GRB2: variants seen among roughly 807,000 people sequenced by gnomAD.
GRB2 encodes the protein growth factor receptor bound protein 2.
GRB2 carries 2 observed loss-of-function variants against 27.4 expected under a neutral mutation model. The observed-to-expected ratio is 0.07, with a 90% CI of 0.03 to 0.23. The LOEUF (loss-of-function observed/expected upper bound fraction) is 0.23, where lower values mean the gene tolerates loss of function less well. Ranked by LOEUF, GRB2 falls within the 10% of genes least tolerant of loss-of-function variation. The probability of loss-of-function intolerance (pLI) is 1.00; values close to 1 mark genes in which losing one functional copy is unlikely to be tolerated. For missense variants in GRB2, 102 were observed against 282.4 expected (o/e 0.36, Z 4.58); for synonymous variants, 94 against 99.6 (o/e 0.94, Z 0.33).
rs71159502 is a variant in GRB2, at chr17:75,376,344, CAAA to C, written c.78+17204_78+17206del. The stretch of plus-strand genomic sequence containing the variant: ...TGGGTGACAGACAGAGACTCTGTCT[CAAA>C]AAAAAAAAAAAAAAAAAAAATTTTT... On this transcript the variant is annotated intron_variant, in intron 2 of 5. Coordinates refer to ENST00000316804, the MANE Select transcript of GRB2 (RefSeq NM_002086.5). Among the ~76,000 whole-genome samples the C allele has an allele frequency of 1.9e-4, 14 of 74,480 alleles. 1 individual carries two copies. Among genetic ancestry groups the C allele is most frequent in the African/African-American group, 3.8e-4 (8 of 21,054 alleles). The allele number at this position is 74,480 out of a possible 152,430, so 48.9% of individuals were successfully genotyped here. A position where few individuals can be genotyped will look rare whatever the true frequency, so the allele number is the denominator to read the frequency against.
chr17:75,384,378 A>G (rs1474742671), intron 2 of GRB2, among the ~76,000 whole-genome samples: 1 of 152,172 alleles, frequency 6.6e-6, no homozygotes, highest in East Asian at 1.9e-4. Flanking sequence ...TTCTTTTAAT[A>G]AAACTGATAG....
chr17:75,336,505 C>A (rs2078577911), intron 2 of GRB2, among the ~76,000 whole-genome samples: 1 of 152,074 alleles, frequency 6.6e-6, no homozygotes, highest in South Asian at 2.1e-4. Context: ...CTCTATTTAC[C>A]TGCCAGGAGT....
intron 2 of GRB2, among the ~76,000 whole-genome samples, chr17:75,387,008 A>C (rs778694136): frequency 1.7e-5 from 1 of 57,772 alleles, no homozygotes; most frequent in Non-Finnish European, 6.2e-5. Flanking sequence ...CACACACACA[A>C]AAATTAGCTG....
chr17:75,380,626 G>A (rs142407440), intron 2 of GRB2, among the ~76,000 whole-genome samples: 134 of 152,208 alleles, frequency 8.8e-4, no homozygotes, highest in Middle Eastern at 3.4e-3. Flanking sequence ...GAGTTAAGAT[G>A]GATGGTCTTC....
chr17:75,368,080 A>C (rs898433638), intron 2 of GRB2, among the ~76,000 whole-genome samples: 12 of 152,034 alleles, frequency 7.9e-5, no homozygotes, highest in African/African-American at 2.9e-4. Flanking sequence ...ACGCCTGGCT[A>C]ATTTTTGTAC....
At chr17:75,366,917 G>A (rs1440833342) in intron 2 of GRB2, among the ~76,000 whole-genome samples, 1 of 151,912 alleles carries the variant, frequency 6.6e-6, no homozygotes, top group African/African-American at 2.4e-5. Context: ...ATAAGCTTAA[G>A]GTTCCCAGGT....
intron 2 of GRB2, among the ~76,000 whole-genome samples, chr17:75,393,059 T>A (rs1378759589): frequency 6.6e-6 from 1 of 152,170 alleles, no homozygotes; most frequent in Non-Finnish European, 1.5e-5. Context: ...CTTTAATGAG[T>A]TTTGGTATGT....
At chr17:75,398,225 A>G (rs1288533079) in intron 1 of GRB2, among the ~76,000 whole-genome samples, 1 of 152,234 alleles carries the variant, frequency 6.6e-6, no homozygotes, top group Non-Finnish European at 1.5e-5. Context: ...TTTTAAAAAT[A>G]TTTATAAAAT....
In GRB2 at chr17:75,399,569, T is replaced by A. The variant is rs140264843; in HGVS notation, c.-137-5804A>T. On this transcript the variant is annotated intron_variant, in intron 1 of 5. Transcript: ENST00000316804. ...TTTTAGTAGAGGCAGGGTTTCACCA[T>A]GTTGGTCAGGCTGGTCTTGAACTCC... 1.6e-4 allele frequency among the ~76,000 whole-genome samples: 24 copies of A among 151,982 alleles called. No homozygotes were observed. The East Asian group carries it at 4.1e-3, about 26-fold the overall frequency.
chr17:75,358,912 TATAA>T (rs1422611242), intron 2 of GRB2, among the ~76,000 whole-genome samples: 8 of 71,296 alleles, frequency 1.1e-4, no homozygotes, highest in African/African-American at 2.4e-4. Context: ...TATATATATA[TATAA>T]ATATATATAT....
intron 2 of GRB2, among the ~76,000 whole-genome samples, chr17:75,352,563 A>C (rs1198718299): frequency 1.3e-5 from 2 of 152,224 alleles, no homozygotes; most frequent in Non-Finnish European, 1.5e-5. Context: ...TGGAAGGGTG[A>C]CCAGGCATAA....
At chr17:75,367,754 A>G (rs2078829022) in intron 2 of GRB2, among the ~76,000 whole-genome samples, 1 of 152,190 alleles carries the variant, frequency 6.6e-6, no homozygotes, top group African/African-American at 2.4e-5. Flanking sequence ...TAATTTACTC[A>G]TTTCTGTTAA....
At chr17:75,362,340 C>T (rs867261215) in intron 2 of GRB2, among the ~76,000 whole-genome samples, 4 of 152,170 alleles carry the variant, frequency 2.6e-5, no homozygotes, top group African/African-American at 7.2e-5. Context: ...ATGTACTGTA[C>T]TGTTTATCTG....
At chr17:75,331,045 G>T (rs1212817188) in intron 3 of GRB2, among the ~76,000 whole-genome samples, 1 of 151,542 alleles carries the variant, frequency 6.6e-6, no homozygotes, top group Admixed American at 6.6e-5. Flanking sequence ...AACAGGAGGT[G>T]GTAGGATGTG....
intron 2 of GRB2, among the ~76,000 whole-genome samples, chr17:75,363,655 C>T (rs971748228): frequency 9.2e-5 from 14 of 151,406 alleles, no homozygotes; most frequent in Non-Finnish European, 1.6e-4. Context: ...GTCAAGAGAT[C>T]GAGACCATCC....
chr17:75,353,939 C>G (rs1242455716), intron 2 of GRB2, among the ~76,000 whole-genome samples: 1 of 151,298 alleles, frequency 6.6e-6, no homozygotes, highest in East Asian at 2.0e-4. Flanking sequence ...ACTTGGGAGG[C>G]TGAGGCAGGA....
intron 2 of GRB2, among the ~76,000 whole-genome samples, chr17:75,340,185 A>T (rs1317380413): frequency 6.6e-6 from 1 of 152,216 alleles, no homozygotes; most frequent in Non-Finnish European, 1.5e-5. Context: ...ACATTTCTTC[A>T]GGGAAAAATT....
At chr17:75,330,313 T>G (rs1427253011) in intron 3 of GRB2, among the ~76,000 whole-genome samples, 5 of 151,440 alleles carry the variant, frequency 3.3e-5, no homozygotes, top group Non-Finnish European at 7.4e-5. Context: ...ACCAGGGAGT[T>G]GGGGGTTGCA....
At chr17:75,383,315 C>G (rs1275150168) in intron 2 of GRB2, among the ~76,000 whole-genome samples, 1 of 152,150 alleles carries the variant, frequency 6.6e-6, no homozygotes, top group Non-Finnish European at 1.5e-5. Context: ...TGGAGAAAAA[C>G]TCTCCATCAA....
Sources: allele counts gnomAD v4.1 joint callset (sites outside exome capture counted in the v4.1 genomes callset), GRCh38; gene constraint gnomAD v4.1.1; transcripts MANE v1.5; gene names NCBI Gene and HGNC (gene_info 2026-07-23, HGNC 2026-07-21).